Variants in FHOD3 observed in about 807,000 individuals in gnomAD.
The protein encoded by FHOD3 is formin homology 2 domain containing 3, also known as FH1/FH2 domain-containing protein 3.
In FHOD3, 90 loss-of-function variants were observed where a neutral mutation model predicts 173.0. The observed-to-expected ratio is 0.52, with a 90% CI of 0.44 to 0.62. FHOD3 has a LOEUF of 0.62. Among genes scored for constraint, FHOD3 ranks in the 20% least tolerant of loss-of-function variants. The pLI is 0.00. For synonymous variants in FHOD3, 828 were observed against 823.0 expected (o/e 1.01, Z -0.10); for missense variants, 1,945 against 2,034.7 (o/e 0.96, Z 0.85).
intron 10 of FHOD3, among the ~76,000 whole-genome samples, chr18:36,637,270 G>T (rs1446908148): frequency 6.6e-6 from 1 of 152,132 alleles, no homozygotes; most frequent in African/African-American, 2.4e-5. Context: ...ATATTCATTT[G>T]TTCATCTAAC....
chr18:36,681,721 G>A (rs1271427048), intron 15 of FHOD3, 151 bp downstream of exon 15: 1 of 1,023,458 alleles, frequency 9.8e-7, no homozygotes, highest in Admixed American at 2.8e-5. Flanking sequence ...CCTGAAATAG[G>A]CTGGATCTGG....
intron 10 of FHOD3, among the ~76,000 whole-genome samples, chr18:36,630,001 T>A (rs2034395205): frequency 6.6e-6 from 1 of 152,174 alleles, no homozygotes. Flanking sequence ...AAACAAATAA[T>A]TATCTGTTTT....
intron 10 of FHOD3, among the ~76,000 whole-genome samples, chr18:36,635,064 T>C (rs2034787998): frequency 6.6e-6 from 1 of 152,156 alleles, no homozygotes; most frequent in African/African-American, 2.4e-5. Flanking sequence ...GATTCAGCAG[T>C]GTCCAAGAGA....
chr18:36,635,891 AACATC>A (rs2034847967), intron 10 of FHOD3, among the ~76,000 whole-genome samples: 1 of 152,238 alleles, frequency 6.6e-6, no homozygotes, highest in African/African-American at 2.4e-5. Flanking sequence ...AGAAACTGAG[AACATC>A]ACCCACATTT....
intron 8 of FHOD3, among the ~76,000 whole-genome samples, chr18:36,608,210 A>C (rs1337898125): frequency 6.6e-6 from 1 of 152,238 alleles, no homozygotes; most frequent in Non-Finnish European, 1.5e-5. Context: ...GTAATTTATA[A>C]AGGAAATAAA....
intron 10 of FHOD3, among the ~76,000 whole-genome samples, chr18:36,633,094 C>T (rs74777815): frequency 6.6e-6 from 1 of 152,294 alleles, no homozygotes; most frequent in East Asian, 1.9e-4. Flanking sequence ...GGAGGGGCTG[C>T]GTGTGCACTG....
chr18:36,598,698 C>T (rs879010174), intron 7 of FHOD3, among the ~76,000 whole-genome samples: 11 of 152,038 alleles, frequency 7.2e-5, no homozygotes, highest in African/African-American at 9.7e-5. Flanking sequence ...TACAGGCACC[C>T]GCCACCTCAC....
At chr18:36,603,989 A>G (rs1323692058) in intron 8 of FHOD3, among the ~76,000 whole-genome samples, 2 of 152,174 alleles carry the variant, frequency 1.3e-5, no homozygotes, top group African/African-American at 4.8e-5. Flanking sequence ...GATGGTGACC[A>G]CACCTCTTGC....
intron 3 of FHOD3, among the ~76,000 whole-genome samples, chr18:36,495,933 A>G (rs1015525006): frequency 1.3e-5 from 2 of 152,206 alleles, no homozygotes; most frequent in African/African-American, 4.8e-5. Context: ...GGCTGCTTCT[A>G]AAGAAGGGGT....
chr18:36,298,538 C>G (rs973820392), intron 1 of FHOD3, among the ~76,000 whole-genome samples: 15 of 152,220 alleles, frequency 9.9e-5, no homozygotes, highest in Non-Finnish European at 1.5e-4. Context: ...CCTCCTTCCC[C>G]CGGGGGCGCC....
intron 2 of FHOD3, among the ~76,000 whole-genome samples, chr18:36,363,288 C>A (rs1292478885): frequency 6.6e-6 from 1 of 152,196 alleles, no homozygotes; most frequent in Non-Finnish European, 1.5e-5. Context: ...GGCAATCGTG[C>A]TTCTGGGTAT....
intron 15 of FHOD3, among the ~76,000 whole-genome samples, chr18:36,685,327 C>G: frequency 6.6e-6 from 1 of 152,144 alleles, no homozygotes; most frequent in East Asian, 1.9e-4. Flanking sequence ...TAGGCAACTA[C>G]TAATTATGGT....
chr18:36,377,775 T>G (rs1410792361), intron 3 of FHOD3, among the ~76,000 whole-genome samples: 1 of 152,168 alleles, frequency 6.6e-6, no homozygotes, highest in African/African-American at 2.4e-5. Context: ...GGGAGCTGGC[T>G]GCTCCCTGAC....
chr18:36,709,259 C>G lies in FHOD3; in HGVS notation c.2401C>G (p.Leu801Val), dbSNP rs1327028661. 1 of 1,614,200 alleles carries G rather than the reference C, an allele frequency of 6.2e-7. No individual in the cohort carries two copies. The highest frequency in any genetic ancestry group is 2.2e-5 in the East Asian group (1 of 44,882). The change falls in exon 18 of 29, where the codon CTC (leucine) becomes GTC (valine). Residue 801 changes from leucine (L) to valine (V), a missense_variant. This residue lies in a region of FHOD3 where 1,099 missense variants were observed against 1,051.2 expected (regional missense o/e 1.05). Coordinates refer to ENST00000590592, the MANE Select transcript of FHOD3 (RefSeq NM_001281740.3). ...GCAAGAGCCGGAAGAAAGAGCCTCC[C>G]TCAGTGAAAAAGAGAGGCAGAACGA... Reference protein sequence around the residue: ...LEQEPEERASLSEKERQNEGV... With the variant: ...LEQEPEERASVSEKERQNEGV...
chr18:36,460,509 C>T (rs2052486613), intron 3 of FHOD3, among the ~76,000 whole-genome samples: 1 of 152,192 alleles, frequency 6.6e-6, no homozygotes, highest in South Asian at 2.1e-4. Flanking sequence ...GGTCCTTTTT[C>T]CAGGGAGCAT....
intron 6 of FHOD3, among the ~76,000 whole-genome samples, chr18:36,584,665 C>T (rs2058966765): frequency 6.6e-6 from 1 of 152,084 alleles, no homozygotes; most frequent in Non-Finnish European, 1.5e-5. Context: ...AAAAATATGG[C>T]AACTGGGCAT....
In FHOD3 at chr18:36,658,013, T is replaced by C. The variant is rs113297014; in HGVS notation, c.1722-62T>C. On this transcript the variant is annotated intron_variant, in intron 13 of 28. Coordinates refer to ENST00000590592, the MANE Select transcript of FHOD3 (RefSeq NM_001281740.3). ...ATTAAAATGGTTTGCTAAGTCTTAT[T>C]TACTGACTTGTACTTATTTCTCTAT... The C allele has an allele frequency of 3.6e-3, 4,484 of 1,240,356 alleles. 137 individuals carry two copies. The African/African-American group carries it at 0.06, about 17-fold the overall frequency. 76.8% of individuals were successfully genotyped at this position (1,240,356 alleles called of 1,614,324 possible). A position where few individuals can be genotyped will look rare whatever the true frequency, so the allele number is the denominator to read the frequency against.
chr18:36,385,885 G>A (rs1309908873), intron 3 of FHOD3, among the ~76,000 whole-genome samples: 1 of 152,146 alleles, frequency 6.6e-6, no homozygotes, highest in Non-Finnish European at 1.5e-5. Context: ...GGGGCTGTTG[G>A]CATGGAGGAG....
chr18:36,574,671 T>A (rs1003506660), intron 5 of FHOD3, among the ~76,000 whole-genome samples: 1 of 152,160 alleles, frequency 6.6e-6, no homozygotes, highest in Admixed American at 6.5e-5. Context: ...ATTATGACAA[T>A]ATGTATTTCC....
Sources: allele counts gnomAD v4.1 joint callset (sites outside exome capture counted in the v4.1 genomes callset), GRCh38; gene constraint gnomAD v4.1.1; regional missense constraint gnomAD v4.1.1; transcripts MANE v1.5; gene names NCBI Gene and HGNC (gene_info 2026-07-23, HGNC 2026-07-21).